The following FSIP1 variants were observed in gnomAD, a reference collection of about 807,000 sequenced individuals.
The protein encoded by FSIP1 is fibrous sheath-interacting protein 1.
In FSIP1, 65 loss-of-function variants were observed where a neutral mutation model predicts 60.9. The ratio of observed to expected loss-of-function variants is 1.07; its 90% confidence interval spans 0.87 to 1.31. FSIP1 has a LOEUF of 1.31. Among genes scored for constraint, FSIP1 ranks in the 40% most tolerant of loss-of-function variants. The pLI is 0.00. For missense variants in FSIP1, 675 were observed against 665.5 expected (o/e 1.01, Z -0.16); for synonymous variants, 209 against 221.2 (o/e 0.94, Z 0.49).
At chr15:39,616,796 A>G (rs1300850496) in intron 11 of FSIP1, among the ~76,000 whole-genome samples, 1 of 152,176 alleles carries the variant, frequency 6.6e-6, no homozygotes, top group African/African-American at 2.4e-5. Context: ...GTTGTCAACA[A>G]TGGTAGGAAG....
chr15:39,712,238 A>C (rs1163081927), intron 10 of FSIP1, among the ~76,000 whole-genome samples: 2 of 152,150 alleles, frequency 1.3e-5, no homozygotes, highest in Non-Finnish European at 2.9e-5. Context: ...AGGGCAGTTC[A>C]GCTGGGCTTG....
rs1894341078 is a variant in FSIP1 at position 39,685,739 on chromosome 15, T to C, written c.1188+27705A>G. 5.3e-5 allele frequency among the ~76,000 whole-genome samples: 8 copies of C among 152,208 alleles called. No homozygotes were observed. In the South Asian group the frequency reaches 1.7e-3, roughly 31 times the overall value. On this transcript the variant is annotated intron_variant, in intron 10 of 11. Transcript: ENST00000350221. Reference sequence around the variant, plus strand: ...TTTATACAAAAGATGAGTTTTTCTATTGATCTTTTTTCTTCTACAGCATTC... The same window carrying C: ...TTTATACAAAAGATGAGTTTTTCTACTGATCTTTTTTCTTCTACAGCATTC...
chr15:39,716,874 G>A (rs954907237), intron 9 of FSIP1, among the ~76,000 whole-genome samples: 2 of 147,082 alleles, frequency 1.4e-5, no homozygotes, highest in African/African-American at 5.1e-5. Flanking sequence ...GAGTGCAGTG[G>A]CGCAATCCTG....
At chr15:39,698,953 A>T (rs1385374956) in intron 10 of FSIP1, among the ~76,000 whole-genome samples, 1 of 152,184 alleles carries the variant, frequency 6.6e-6, no homozygotes, top group Non-Finnish European at 1.5e-5. Context: ...AGGTAAACAG[A>T]TAAGAGGTGA....
chr15:39,768,840 T>C (rs1379277305), intron 3 of FSIP1, among the ~76,000 whole-genome samples: 1 of 152,246 alleles, frequency 6.6e-6, no homozygotes, highest in Non-Finnish European at 1.5e-5. Context: ...TTAAAATCCA[T>C]GGATCTATAT....
chr15:39,739,859 C>T lies in FSIP1; in HGVS notation c.656-70G>A, dbSNP rs143015687. The stretch of plus-strand genomic sequence containing the variant: ...AATTATGCTAAAAGTTCACTTTAAG[C>T]ATATATTAAAATATATAAGAACTAA... On this transcript the variant is annotated intron_variant, in intron 6 of 11. Coordinates refer to ENST00000350221, the MANE Select transcript of FSIP1 (RefSeq NM_152597.5). 3.7e-3 allele frequency: 3,535 copies of T among 948,498 alleles called. 100 individuals carry two copies. In the African/African-American group the frequency reaches 0.053, roughly 14 times the overall value. The allele number at this position is 948,498 out of a possible 1,614,324, so 58.8% of individuals were successfully genotyped here.
intron 5 of FSIP1, among the ~76,000 whole-genome samples, chr15:39,747,962 A>C (rs926507492): frequency 5.9e-5 from 9 of 152,024 alleles, no homozygotes; most frequent in African/African-American, 2.2e-4. Flanking sequence ...CACACTTATC[A>C]TTTACTTCAT....
At chr15:39,662,677 C>A in intron 10 of FSIP1, among the ~76,000 whole-genome samples, 1 of 148,648 alleles carries the variant, frequency 6.7e-6, no homozygotes, top group Non-Finnish European at 1.5e-5. Context: ...TCTTACTATC[C>A]AACACTAGAC....
intron 1 of FSIP1, among the ~76,000 whole-genome samples, chr15:39,780,813 C>A (rs1043069933): frequency 6.6e-6 from 1 of 152,150 alleles, no homozygotes; most frequent in Admixed American, 6.5e-5. Context: ...GTCTCGAACC[C>A]CTGACCTCAA....
intron 10 of FSIP1, among the ~76,000 whole-genome samples, chr15:39,628,662 C>A (rs1228680685): frequency 6.6e-6 from 1 of 152,214 alleles, no homozygotes; most frequent in Non-Finnish European, 1.5e-5. Context: ...AACTCTCTCT[C>A]TGAAAGCAAT....
intron 5 of FSIP1, among the ~76,000 whole-genome samples, chr15:39,760,872 T>C (rs1189230266): frequency 6.6e-6 from 1 of 152,176 alleles, no homozygotes; most frequent in Non-Finnish European, 1.5e-5. Flanking sequence ...GAAGGGTATA[T>C]GGAATTCTGT....
At chr15:39,606,593 A>G (rs1042063620) in intron 11 of FSIP1, among the ~76,000 whole-genome samples, 2 of 152,266 alleles carry the variant, frequency 1.3e-5, no homozygotes, top group East Asian at 3.9e-4. Context: ...CCTTTAACCA[A>G]TAACTCCCTA....
intron 9 of FSIP1, among the ~76,000 whole-genome samples, chr15:39,721,024 T>C (rs1393966202): frequency 6.6e-6 from 1 of 152,240 alleles, no homozygotes; most frequent in Non-Finnish European, 1.5e-5. Context: ...AAAAGCCAAA[T>C]GCTGCTTTTA....
At chr15:39,678,257 TATAA>T (rs1453510352) in intron 10 of FSIP1, among the ~76,000 whole-genome samples, 2 of 151,988 alleles carry the variant, frequency 1.3e-5, no homozygotes, top group Admixed American at 6.5e-5. Flanking sequence ...AAAAATGAAA[TATAA>T]ATAATTTTAA....
At chr15:39,720,114 C>A (rs774534051) in intron 9 of FSIP1, among the ~76,000 whole-genome samples, 3 of 152,192 alleles carry the variant, frequency 2.0e-5, no homozygotes, top group Non-Finnish European at 2.9e-5. Flanking sequence ...CAAGTAGAGT[C>A]CATGGCCCTT....
intron 8 of FSIP1, among the ~76,000 whole-genome samples, chr15:39,728,604 G>C (rs1025991350): frequency 6.6e-6 from 1 of 152,144 alleles, no homozygotes; most frequent in Admixed American, 6.6e-5. Context: ...ACTGAAACCA[G>C]AATTCTTCCT....
At chr15:39,636,232 G>A (rs1236783062) in intron 10 of FSIP1, among the ~76,000 whole-genome samples, 1 of 152,134 alleles carries the variant, frequency 6.6e-6, no homozygotes, top group African/African-American at 2.4e-5. Context: ...CAGAACCTCT[G>A]GTTAAGTGCT....
At chr15:39,669,565 T>C (rs1893637317) in intron 10 of FSIP1, among the ~76,000 whole-genome samples, 2 of 152,346 alleles carry the variant, frequency 1.3e-5, no homozygotes, top group African/African-American at 4.8e-5. Context: ...GATATCTTTA[T>C]TTCATATTTT....
intron 10 of FSIP1, among the ~76,000 whole-genome samples, chr15:39,644,303 G>A (rs543393475): frequency 1.3e-5 from 2 of 152,258 alleles, no homozygotes; most frequent in African/African-American, 2.4e-5. Context: ...TGCCATGTCC[G>A]TATCAATTAG....
Sources: gnomAD v4.1 joint callset for allele counts (sites outside exome capture counted in the v4.1 genomes callset) on GRCh38, gnomAD v4.1.1 for gene constraint, MANE v1.5 for transcripts, NCBI Gene and HGNC (gene_info 2026-07-23, HGNC 2026-07-21) for gene names.